AHI1: variants seen among roughly 807,000 people sequenced by gnomAD.
The protein encoded by AHI1 is Abelson helper integration site 1.
In AHI1, 123 loss-of-function variants were observed where a neutral mutation model predicts 149.3. That is an observed-to-expected ratio of 0.82 (90% CI 0.71 to 0.96). AHI1 has a LOEUF of 0.96. Ranked by LOEUF, AHI1 falls within the 40% of genes least tolerant of loss-of-function variation. The pLI, the probability that AHI1 is intolerant of heterozygous loss-of-function variation, is 0.00. For missense variants in AHI1, 1,439 were observed against 1,422.7 expected (o/e 1.01, Z -0.18); for synonymous variants, 475 against 459.8 (o/e 1.03, Z -0.42).
At position 135,433,087 on chromosome 6, in the gene AHI1, A is replaced by G. The variant is rs180776881; in HGVS notation, c.2206T>C (p.Leu736=). ...KVEMREDSAI[L]VRQFDVHKSF... The stretch of plus-strand genomic sequence containing the variant: ...TTGTGAACATCAAACTGTCGGACCA[A>G]TATGGCAGAATCTTCTCTCATCTCA... Residue 736 remains leucine, a synonymous_variant, in exon 16 of 29, where the codon TTG becomes CTG. Coordinates refer to ENST00000265602, the MANE Select transcript of AHI1 (RefSeq NM_001134831.2). 3 of 1,613,740 alleles carry G rather than the reference A, an allele frequency of 1.9e-6. No individual in the cohort carries two copies. The East Asian group carries it at 6.7e-5, about 36-fold the overall frequency.
intron 5 of AHI1, among the ~76,000 whole-genome samples, chr6:135,481,589 T>TAA (rs1411444960): frequency 1.3e-5 from 2 of 151,936 alleles, no homozygotes; most frequent in African/African-American, 4.8e-5. Flanking sequence ...TTCTTGCTTT[T>TAA]ATAAAATATC....
chr6:135,323,398 C>T (rs1562499974), intron 24 of AHI1, 74 bp from the exon 25 acceptor site: 1 of 1,504,088 alleles, frequency 6.6e-7, no homozygotes, highest in Non-Finnish European at 9.1e-7. Flanking sequence ...TTCACTTCCT[C>T]TTGCAGAAGA....
intron 23 of AHI1, among the ~76,000 whole-genome samples, chr6:135,375,602 T>G (rs934273408): frequency 1.3e-5 from 2 of 152,122 alleles, no homozygotes; most frequent in Non-Finnish European, 2.9e-5. Flanking sequence ...AATGACAAAA[T>G]GGGAAAAATA....
At chr6:135,471,432 G>C (rs1791671555) in intron 5 of AHI1, among the ~76,000 whole-genome samples, 1 of 152,010 alleles carries the variant, frequency 6.6e-6, no homozygotes, top group Non-Finnish European at 1.5e-5. Flanking sequence ...TTGTGGTTTT[G>C]ATTTCCTTTT....
At chr6:135,290,284 C>T in intron 28 of AHI1, 139 bp downstream of exon 28, 1 of 656,268 alleles carries the variant, frequency 1.5e-6, no homozygotes, top group Non-Finnish European at 2.7e-6. Context: ...CAAATGGCCT[C>T]CCGGTTACAG....
chr6:135,478,017 T>A (rs1285306880), intron 5 of AHI1, among the ~76,000 whole-genome samples: 1 of 152,040 alleles, frequency 6.6e-6, no homozygotes, highest in East Asian at 1.9e-4. Context: ...GCCAGGCTAG[T>A]CTCAAACACC....
intron 23 of AHI1, among the ~76,000 whole-genome samples, chr6:135,385,855 G>T (rs553841631): frequency 6.6e-6 from 1 of 152,320 alleles, no homozygotes; most frequent in Non-Finnish European, 1.5e-5. Flanking sequence ...ATTTAGGAAG[G>T]TGTAATGGCA....
At chr6:135,444,436 A>G (rs1786832450) in intron 13 of AHI1, among the ~76,000 whole-genome samples, 1 of 152,142 alleles carries the variant, frequency 6.6e-6, no homozygotes, top group Non-Finnish European at 1.5e-5. Context: ...CAACCAGCTA[A>G]GCTTTTGAGT....
rs113547855 is a variant in AHI1 at position 135,438,651 on chromosome 6, C to T, written c.1913-153G>A. On this transcript the variant is annotated intron_variant, in intron 14 of 28. Coordinates refer to ENST00000265602, the MANE Select transcript of AHI1 (RefSeq NM_001134831.2). ...AGCACAGAGAAAATTTCAAAATTTA[C>T]TTAAGAATAGTTTTTCTTTTGCTTT... Among the ~76,000 whole-genome samples, 1,472 of 152,056 alleles carry T rather than the reference C, an allele frequency of 9.7e-3. 22 individuals are homozygous for T. The highest frequency in any genetic ancestry group is 0.033 in the African/African-American group (1,377 of 41,496).
intron 26 of AHI1, among the ~76,000 whole-genome samples, chr6:135,309,491 T>C (rs1784903076): frequency 6.6e-6 from 1 of 151,898 alleles, no homozygotes; most frequent in Admixed American, 6.6e-5. Flanking sequence ...TAGTTTTTTT[T>C]TTTTTTTTGA....
intron 5 of AHI1, among the ~76,000 whole-genome samples, chr6:135,488,152 T>A (rs1338220458): frequency 6.6e-6 from 1 of 152,162 alleles, no homozygotes; most frequent in African/African-American, 2.4e-5. Context: ...ACAAAAGAAT[T>A]TTCTAGATAT....
chr6:135,338,288 G>A (rs1416861488), intron 24 of AHI1, among the ~76,000 whole-genome samples: 19 of 115,870 alleles, frequency 1.6e-4, no homozygotes, highest in Non-Finnish European at 2.6e-4. Context: ...TGACAAGGGT[G>A]AAACTCCATC....
intron 27 of AHI1, among the ~76,000 whole-genome samples, chr6:135,296,715 A>T (rs1343973592): frequency 2.0e-5 from 3 of 152,010 alleles, no homozygotes; most frequent in Admixed American, 6.6e-5. Flanking sequence ...ATTTTTCTCC[A>T]TACTGTAGCA....
rs1777801246 is a variant in AHI1 at position 135,387,648 on chromosome 6, T to C, written c.3109+7128A>G. On this transcript the variant is annotated intron_variant, in intron 23 of 28. Coordinates refer to ENST00000265602, the MANE Select transcript of AHI1 (RefSeq NM_001134831.2). ...AAATACTATATCCATTATTTGTCTC[T>C]TTGACATGTTCCTTTTCCTATAATC... 6.2e-6 allele frequency: 3 copies of C among 482,188 alleles called. No individual in the cohort carries two copies. In the South Asian group the frequency reaches 2.7e-4, roughly 44 times the overall value. 29.9% of individuals were successfully genotyped at this position (482,188 alleles called of 1,614,324 possible).
At chr6:135,448,692 A>ATAGC (rs2128059942) in intron 11 of AHI1, among the ~76,000 whole-genome samples, 1 of 152,350 alleles carries the variant, frequency 6.6e-6, no homozygotes, top group Non-Finnish European at 1.5e-5. Context: ...TATTTTCCTG[A>ATAGC]TAGCTCTCTT....
At chr6:135,477,959 G>A (rs756846226) in intron 5 of AHI1, among the ~76,000 whole-genome samples, 2 of 151,070 alleles carry the variant, frequency 1.3e-5, no homozygotes, top group Non-Finnish European at 2.9e-5. Flanking sequence ...CACCACACCC[G>A]GCTAATTTTT....
At position 135,377,268 on chromosome 6, in the gene AHI1, A is replaced by G. The variant is rs536132265; in HGVS notation, c.3109+17508T>C. Among the ~76,000 whole-genome samples the G allele has an allele frequency of 4.6e-5, 7 of 152,242 alleles. 1 individual carries two copies. In the South Asian group the frequency reaches 1.2e-3, roughly 27 times the overall value. On this transcript the variant is annotated intron_variant, in intron 23 of 28. Coordinates refer to ENST00000265602, the MANE Select transcript of AHI1 (RefSeq NM_001134831.2). The stretch of plus-strand genomic sequence containing the variant: ...TTATTTTACATTTTTCCAATTTTTT[A>G]TGGTTAAAAAAAATTTCAAAATAAA...
chr6:135,455,976 T>C (rs750354361), intron 9 of AHI1, 50 bp from the exon 10 acceptor site: 2 of 1,277,544 alleles, frequency 1.6e-6, no homozygotes, highest in South Asian at 5.1e-5. Context: ...AATTTTGAGG[T>C]GAGAAAAAAA....
intron 20 of AHI1, among the ~76,000 whole-genome samples, chr6:135,424,812 T>C (rs1783706294): frequency 6.6e-6 from 1 of 151,978 alleles, no homozygotes; most frequent in Non-Finnish European, 1.5e-5. Flanking sequence ...GAAAATTATC[T>C]GATAATTTTT....
Sources: allele counts gnomAD v4.1 joint callset (sites outside exome capture counted in the v4.1 genomes callset), GRCh38; gene constraint gnomAD v4.1.1; transcripts MANE v1.5; gene names NCBI Gene and HGNC (gene_info 2026-07-23, HGNC 2026-07-21).